TMEM184C: variants seen among roughly 807,000 people sequenced by gnomAD.
The protein encoded by TMEM184C is transmembrane protein 34.
In TMEM184C, 25 loss-of-function variants were observed where a neutral mutation model predicts 54.5. That is an observed-to-expected ratio of 0.46 (90% CI 0.33 to 0.64). The LOEUF (loss-of-function observed/expected upper bound fraction) is 0.64. Among genes scored for constraint, TMEM184C ranks in the 30% least tolerant of loss-of-function variants. TMEM184C has a pLI of 0.02. For missense variants in TMEM184C, 335 were observed against 520.3 expected, an observed-to-expected ratio of 0.64 and a Z score of 3.46; for synonymous variants, 148 against 181.5, an observed-to-expected ratio of 0.82 and a Z score of 1.49.
intron 1 of TMEM184C, 73 bp downstream of exon 1, chr4:147,618,152 C>T (rs1732634264): frequency 6.3e-7 from 1 of 1,596,982 alleles, no homozygotes; most frequent in Non-Finnish European, 8.6e-7. Flanking sequence ...GACACCCTTA[C>T]CCCATTTCTG....
rs750216707 is a variant in TMEM184C, at chr4:147,633,901, T to C, written c.1016T>C (p.Ile339Thr). ...CTTGCCATGTGGGATGTCTCAGATA[T>C]TAGAGATGATATTTCTGAACAAGTA... ...SFLAMWDVSD[I>T]RDDISEQVRH... is the part of the protein sequence containing the mutation. Residue 339 changes from isoleucine (I) to threonine (T), a missense_variant, in exon 9 of 10, where the codon ATT becomes ACT. Ile to Thr is a moderately conservative substitution (Grantham distance 89). Coordinates refer to ENST00000296582, the MANE Select transcript of TMEM184C (RefSeq NM_018241.3). 6.2e-7 allele frequency: 1 copy of C among 1,613,734 alleles called. No homozygotes were observed. The highest frequency in any genetic ancestry group is 8.5e-7 in the Non-Finnish European group (1 of 1,179,924).
chr4:147,630,443 G>A (rs1318473992), intron 6 of TMEM184C, among the ~76,000 whole-genome samples: 1 of 151,990 alleles, frequency 6.6e-6, no homozygotes, highest in Non-Finnish European at 1.5e-5. Flanking sequence ...GTGTTCAAAA[G>A]TATGTTTGCC....
At chr4:147,626,913 C>CATTTATA (rs1467984398) in intron 4 of TMEM184C, among the ~76,000 whole-genome samples, 1 of 152,156 alleles carries the variant, frequency 6.6e-6, no homozygotes, top group Non-Finnish European at 1.5e-5. Context: ...GACAAATGGG[C>CATTTATA]ATTTATAGCT....
At chr4:147,618,933 G>C (rs1732651018) in intron 1 of TMEM184C, among the ~76,000 whole-genome samples, 1 of 152,206 alleles carries the variant, frequency 6.6e-6, no homozygotes, top group Non-Finnish European at 1.5e-5. Context: ...GCAATGGCGA[G>C]ATCTCGGCTC....
At chr4:147,633,684 AAAGC>A in intron 8 of TMEM184C, 77 bp from the exon 9 acceptor site, 1 of 1,215,500 alleles carries the variant, frequency 8.2e-7, no homozygotes, top group South Asian at 2.6e-5. Context: ...GCACTTTTGA[AAAGC>A]AAGTAGAGAA....
chr4:147,629,816 G>T, intron 6 of TMEM184C, 124 bp downstream of exon 6: 1 of 487,226 alleles, frequency 2.1e-6, no homozygotes, highest in Non-Finnish European at 3.3e-6. Flanking sequence ...AATTAAATCT[G>T]AAATTTAATT....
At chr4:147,623,176 G>C (rs550112937) in intron 1 of TMEM184C, among the ~76,000 whole-genome samples, 1 of 152,272 alleles carries the variant, frequency 6.6e-6, no homozygotes, top group East Asian at 1.9e-4. Flanking sequence ...GCCGTGCACG[G>C]TGGCTCATGC....
chr4:147,629,534 C>A, intron 5 of TMEM184C, 65 bp from the exon 6 acceptor site: 1 of 1,167,942 alleles, frequency 8.6e-7, no homozygotes. Context: ...TTAAGTATTG[C>A]TATTGCTGTA....
rs763733748 is a variant in TMEM184C at position 147,631,545 on chromosome 4, G to A, written c.779+40G>A. The stretch of plus-strand genomic sequence containing the variant: ...TTTTTAAATGTTCTCATTTTTTTAA[G>A]GGCAGTAAAAACCGTTGATTAAGGA... On this transcript the variant is annotated intron_variant, in intron 7 of 9. Coordinates refer to ENST00000296582, the MANE Select transcript of TMEM184C (RefSeq NM_018241.3). 6 of 1,491,300 alleles carry A rather than the reference G, an allele frequency of 4.0e-6. No homozygotes were observed. The African/African-American group carries it at 5.6e-5, about 14-fold the overall frequency. The allele number at this position is 1,491,300 out of a possible 1,614,324, so 92.4% of individuals were successfully genotyped here.
chr4:147,624,784 A>G lies in TMEM184C; in HGVS notation c.292-20A>G, dbSNP rs1199358354. 1 of 1,608,850 alleles carries G rather than the reference A, an allele frequency of 6.2e-7. No individual in the cohort carries two copies. Among genetic ancestry groups the G allele is most frequent in the Non-Finnish European group, 8.5e-7 (1 of 1,175,878 alleles). ...TTTATCTTAGCTGCAACTATCTTTA[A>G]CATCTGTGCTTTTTCATAGTGGATA... On this transcript the variant is annotated intron_variant, in intron 3 of 9. Coordinates refer to ENST00000296582, the MANE Select transcript of TMEM184C (RefSeq NM_018241.3).
intron 4 of TMEM184C, among the ~76,000 whole-genome samples, chr4:147,627,629 A>G (rs1388985362): frequency 6.6e-6 from 1 of 152,138 alleles, no homozygotes; most frequent in African/African-American, 2.4e-5. Context: ...AAATTTAAAA[A>G]TAGCTGGGTG....
At chr4:147,626,345 G>T (rs1284300153) in intron 4 of TMEM184C, among the ~76,000 whole-genome samples, 1 of 152,192 alleles carries the variant, frequency 6.6e-6, no homozygotes, top group Non-Finnish European at 1.5e-5. Context: ...GCCCAGGAAT[G>T]AACAAGGACA....
In TMEM184C at chr4:147,631,456, C is replaced by T; in HGVS notation, c.730C>T (p.Pro244Ser). 2 of 1,607,958 alleles carry T rather than the reference C, an allele frequency of 1.2e-6. No individual in the cohort carries two copies. The highest frequency in any genetic ancestry group is 1.3e-5 in the African/African-American group (1 of 74,480). ...AAAAGAAGAACTGAGCCCAATCCAA[C>T]CTGTTGGCAAATTTCTTTGTGTAAA... ...VLKEELSPIQPVGKFLCVKLV... is the reference protein window; with the variant it reads ...VLKEELSPIQSVGKFLCVKLV... The change falls in exon 7 of 10, where the codon CCT becomes TCT. Residue 244 changes from proline to serine, a missense_variant. Transcript: ENST00000296582.
intron 1 of TMEM184C, among the ~76,000 whole-genome samples, chr4:147,622,169 T>C (rs1453133683): frequency 6.6e-6 from 1 of 151,918 alleles, no homozygotes; most frequent in Non-Finnish European, 1.5e-5. Context: ...TCTCACACTA[T>C]TGGACTCAAA....
rs1356181681 is a variant in TMEM184C, at chr4:147,617,748, A to C, written c.-209A>C. On this transcript the variant is annotated 5_prime_UTR_variant, in exon 1 of 10. Coordinates refer to ENST00000296582, the MANE Select transcript of TMEM184C (RefSeq NM_018241.3). ...AGGATGTTGCCTGCACTGCTCGCCA[A>C]TAGCACCCTGAGAGGCTACATTTGC... The C allele has an allele frequency of 3.4e-6, 2 of 592,368 alleles. No individual in the cohort carries two copies. The highest frequency in any genetic ancestry group is 3.7e-5 in the African/African-American group (2 of 53,764). The allele number at this position is 592,368 out of a possible 1,614,324, so 36.7% of individuals were successfully genotyped here.
At chr4:147,621,796 C>T (rs1005119469) in intron 1 of TMEM184C, among the ~76,000 whole-genome samples, 2 of 152,084 alleles carry the variant, frequency 1.3e-5, no homozygotes, top group African/African-American at 4.8e-5. Context: ...GACCAAGTCT[C>T]TAGTCACTTG....
Position 147,624,908 on chromosome 4 carries a change from TCTAA to T in TMEM184C, c.402_405del (p.Asn135GlyfsTer7), listed in dbSNP as rs1732785033. On this transcript the variant is annotated frameshift_variant, in exon 4 of 10. Transcript: ENST00000296582. LOFTEE classifies it high-confidence loss of function. ...ACTTTATGGGATTCCTTACCAATTATCTAACTAACCGGTATCCAAATCTGGTATT... is the reference window on the plus strand; with the variant it reads ...ACTTTATGGGATTCCTTACCAATTATCTAACCGGTATCCAAATCTGGTATT... 6.2e-7 allele frequency: 1 copy of T among 1,613,946 alleles called. No homozygotes were observed. Among genetic ancestry groups the T allele is most frequent in the Non-Finnish European group, 8.5e-7 (1 of 1,179,868 alleles).
intron 1 of TMEM184C, among the ~76,000 whole-genome samples, 175 bp from the exon 2 acceptor site, chr4:147,623,659 T>G (rs570752057): frequency 7.0e-6 from 1 of 143,132 alleles, no homozygotes; most frequent in East Asian, 2.0e-4. Flanking sequence ...TTTTTTTTTG[T>G]AGTGACGGGT....
intron 1 of TMEM184C, among the ~76,000 whole-genome samples, chr4:147,620,066 C>T (rs1038230035): frequency 6.6e-6 from 1 of 152,154 alleles, no homozygotes; most frequent in African/African-American, 2.4e-5. Context: ...AAACTTTGCA[C>T]GATGTTTCCC....
Sources: gnomAD v4.1 joint callset for allele counts (sites outside exome capture counted in the v4.1 genomes callset) on GRCh38, gnomAD v4.1.1 for gene constraint, MANE v1.5 for transcripts, NCBI Gene and HGNC (gene_info 2026-07-23, HGNC 2026-07-21) for gene names.